Variants in CRTC3 observed in about 807,000 individuals in gnomAD.
CRTC3 encodes the protein CREB-regulated transcription coactivator 3.
A neutral mutation model predicts 74.5 loss-of-function variants in CRTC3; 26 were observed. The ratio of observed to expected loss-of-function variants is 0.35; its 90% CI spans 0.26 to 0.48. The LOEUF (loss-of-function observed/expected upper bound fraction) is 0.48, where lower values mean the gene tolerates loss of function less well. Among genes scored for constraint, CRTC3 ranks in the 20% least tolerant of loss-of-function variants. The probability of loss-of-function intolerance (pLI) is 0.99; values close to 1 mark genes in which losing one functional copy is unlikely to be tolerated. For missense variants in CRTC3, 760 were observed against 787.3 expected, an observed-to-expected ratio of 0.97 and a Z score of 0.41; for synonymous variants, 377 against 325.8, an observed-to-expected ratio of 1.16 and a Z score of -1.69.
At chr15:90,627,288 G>T (rs1433018910) in intron 10 of CRTC3, among the ~76,000 whole-genome samples, 1 of 152,216 alleles carries the variant, frequency 6.6e-6, no homozygotes, top group Non-Finnish European at 1.5e-5. Context: ...TTCATCGACT[G>T]AGTCTCAGTT....
intron 11 of CRTC3, among the ~76,000 whole-genome samples, chr15:90,637,181 T>G (rs1969269253): frequency 1.3e-5 from 2 of 152,182 alleles, no homozygotes; most frequent in African/African-American, 4.8e-5. Context: ...TAGACTGGAT[T>G]AAGAAAATGT....
In CRTC3 at chr15:90,644,680, A is replaced by C. The variant is rs1010417263; in HGVS notation, c.*2540A>C. ...AAAGGTTTTGGGCATCGTACAACCC[A>C]CTCTGCCTAGAAGGTGTGGAGGACT... On this transcript the variant is annotated 3_prime_UTR_variant, in exon 15 of 15. Coordinates refer to ENST00000268184, the MANE Select transcript of CRTC3 (RefSeq NM_022769.5). The C allele has an allele frequency of 1.3e-5, 3 of 232,318 alleles. No homozygotes were observed. Among genetic ancestry groups the C allele is most frequent in the Middle Eastern group, 1.2e-3 (1 of 802 alleles). The allele number at this position is 232,318 out of a possible 1,614,324, so 14.4% of individuals were successfully genotyped here.
rs574659697 is a variant in CRTC3 at position 90,638,665 on chromosome 15, G to C, written c.1467+19G>C. 9 of 1,613,444 alleles carry C rather than the reference G, an allele frequency of 5.6e-6. 1 individual carries two copies. In the Admixed American group the frequency reaches 1.0e-4, roughly 18 times the overall value. On this transcript the variant is annotated intron_variant, in intron 12 of 14. Transcript: ENST00000268184. The stretch of plus-strand genomic sequence containing the variant: ...GGCCCAGGTGAGTTCTGGCAGGAGC[G>C]TTGGTGCAGAGGGAATGCTTGTTTT...
At chr15:90,607,297 G>A (rs1332861739) in intron 5 of CRTC3, 81 bp from the exon 6 acceptor site, 9 of 815,308 alleles carry the variant, frequency 1.1e-5, no homozygotes, top group Non-Finnish European at 1.4e-5. Flanking sequence ...CTTCTTTCCT[G>A]TTGGTAATAT....
chr15:90,579,066 GA>G (rs1031360181), intron 2 of CRTC3, among the ~76,000 whole-genome samples: 4 of 151,638 alleles, frequency 2.6e-5, no homozygotes, highest in South Asian at 2.1e-4. Flanking sequence ...AAAAATATTA[GA>G]AAAAAAATTG....
intron 11 of CRTC3, among the ~76,000 whole-genome samples, chr15:90,634,545 C>T (rs1969162335): frequency 6.6e-6 from 1 of 152,186 alleles, no homozygotes; most frequent in African/African-American, 2.4e-5. Flanking sequence ...CTACTTCTTC[C>T]TGCACACATC....
At chr15:90,598,849 CAG>C (rs1807814115) in intron 3 of CRTC3, 2 of 266,238 alleles carry the variant, frequency 7.5e-6, no homozygotes, top group East Asian at 9.2e-5. Context: ...GCATGGAGGA[CAG>C]GGGCTCTCTA....
At chr15:90,563,187 C>T (rs1220856963) in intron 2 of CRTC3, among the ~76,000 whole-genome samples, 1 of 152,076 alleles carries the variant, frequency 6.6e-6, no homozygotes, top group Non-Finnish European at 1.5e-5. Flanking sequence ...GGGTGGATCA[C>T]TTGAGGTCAG....
intron 2 of CRTC3, among the ~76,000 whole-genome samples, chr15:90,592,257 A>G (rs879096558): frequency 6.6e-6 from 1 of 152,240 alleles, no homozygotes; most frequent in Admixed American, 6.5e-5. Flanking sequence ...TTAAATGAAT[A>G]GTATGTGAGG....
chr15:90,637,259 A>G (rs1251816417), intron 11 of CRTC3, among the ~76,000 whole-genome samples: 1 of 152,142 alleles, frequency 6.6e-6, no homozygotes, highest in Non-Finnish European at 1.5e-5. Context: ...TTGTAGGGAC[A>G]TGGATGAAGC....
intron 1 of CRTC3, among the ~76,000 whole-genome samples, chr15:90,531,817 ATACC>A (rs1442588178): frequency 2.6e-5 from 4 of 152,190 alleles, no homozygotes; most frequent in African/African-American, 9.7e-5. Flanking sequence ...ATATGTCTGT[ATACC>A]TATGGCGGAT....
chr15:90,607,934 G>A (rs768391064), intron 6 of CRTC3, among the ~76,000 whole-genome samples: 33 of 152,162 alleles, frequency 2.2e-4, no homozygotes, highest in Non-Finnish European at 4.3e-4. Context: ...GACTGTCTCT[G>A]TAGGTTGGTG....
At chr15:90,638,321 A>T (rs1969312709) in intron 11 of CRTC3, 125 bp from the exon 12 acceptor site, 1 of 744,716 alleles carries the variant, frequency 1.3e-6, no homozygotes, top group Admixed American at 2.4e-5. Context: ...TTCTCACAGC[A>T]TTGCACAGAA....
intron 11 of CRTC3, among the ~76,000 whole-genome samples, chr15:90,637,017 C>T (rs1969263487): frequency 6.6e-6 from 1 of 152,174 alleles, no homozygotes; most frequent in South Asian, 2.1e-4. Context: ...GGATCTTGAA[C>T]TAGAAATACC....
At chr15:90,573,439 G>T (rs1967323909) in intron 2 of CRTC3, among the ~76,000 whole-genome samples, 1 of 152,070 alleles carries the variant, frequency 6.6e-6, no homozygotes, top group East Asian at 1.9e-4. Context: ...GTTTAGAGTG[G>T]CCTTAATCAT....
At chr15:90,557,862 A>C (rs1966926964) in intron 2 of CRTC3, among the ~76,000 whole-genome samples, 1 of 152,076 alleles carries the variant, frequency 6.6e-6, no homozygotes, top group South Asian at 2.1e-4. Context: ...TGCGTGCCAG[A>C]ATCCCATGGT....
Position 90,598,416 on chromosome 15 carries a change from A to T in CRTC3, c.352-3908A>T, listed in dbSNP as rs989656970. The T allele has an allele frequency of 4.3e-6, 3 of 702,942 alleles. No homozygotes were observed. In the East Asian group the frequency reaches 8.0e-5, roughly 19 times the overall value. 43.5% of individuals were successfully genotyped at this position (702,942 alleles called of 1,614,324 possible). A position where few individuals can be genotyped will look rare whatever the true frequency, so the allele number is the denominator to read the frequency against. On this transcript the variant is annotated intron_variant, in intron 3 of 14. Coordinates refer to ENST00000268184, the MANE Select transcript of CRTC3 (RefSeq NM_022769.5). ...AAGAGCTGCTCCCCTTCCTTTGGTG[A>T]AGAGTAAGAACTGTTCCCTCTAACA... is the stretch of plus-strand genomic sequence containing the variant.
rs76831908 is a variant in CRTC3, at chr15:90,645,310, T to A, written c.*3170T>A. The A allele has an allele frequency of 5.7e-5, 12 of 210,074 alleles. No homozygotes were observed. The highest frequency in any genetic ancestry group is 2.7e-4 in the African/African-American group (12 of 44,002). 13.0% of individuals were successfully genotyped at this position (210,074 alleles called of 1,614,324 possible). On this transcript the variant is annotated 3_prime_UTR_variant, in exon 15 of 15. Coordinates refer to ENST00000268184, the MANE Select transcript of CRTC3 (RefSeq NM_022769.5). ...TTATAATGCATCATTTTACATCTTT[T>A]GTAATTAAAAGCATCACAATGAGGT... is the stretch of plus-strand genomic sequence containing the variant.
chr15:90,537,101 C>CATCT (rs1384288981), intron 1 of CRTC3, among the ~76,000 whole-genome samples: 1 of 152,198 alleles, frequency 6.6e-6, no homozygotes, highest in African/African-American at 2.4e-5. Flanking sequence ...ACATGTTCAT[C>CATCT]ATCTGTAAAC....
Sources: allele counts gnomAD v4.1 joint callset (sites outside exome capture counted in the v4.1 genomes callset), GRCh38; gene constraint gnomAD v4.1.1; transcripts MANE v1.5; gene names NCBI Gene and HGNC (gene_info 2026-07-23, HGNC 2026-07-21).